The following SPECC1 variants were observed in gnomAD, a reference collection of about 807,000 sequenced individuals.
The protein encoded by SPECC1 is cytospin-B.
In SPECC1, 62 loss-of-function variants were observed where a neutral mutation model predicts 104.1. That is an observed-to-expected ratio of 0.60 (90% CI 0.49 to 0.74). The LOEUF is 0.74. SPECC1 is among the 30% of genes least tolerant of loss of function. SPECC1 has a pLI of 0.00. For missense variants in SPECC1, 1,306 were observed against 1,310.5 expected (o/e 1.00, Z 0.05); for synonymous variants, 513 against 501.6 (o/e 1.02, Z -0.30).
At chr17:20,290,628 C>G (rs547794321) in intron 12 of SPECC1, among the ~76,000 whole-genome samples, 3 of 152,194 alleles carry the variant, frequency 2.0e-5, no homozygotes, top group Admixed American at 6.5e-5. Flanking sequence ...AATTCTCCCT[C>G]TTCAGCCTCC....
intron 1 of SPECC1, among the ~76,000 whole-genome samples, chr17:20,090,574 A>T (rs1194357741): frequency 6.9e-6 from 1 of 144,936 alleles, no homozygotes; most frequent in Non-Finnish European, 1.5e-5. Context: ...TTTGCACTAG[A>T]CCATTTTACA....
intron 1 of SPECC1, among the ~76,000 whole-genome samples, chr17:20,029,919 A>C (rs539302256): frequency 8.6e-5 from 13 of 151,970 alleles, no homozygotes; most frequent in Middle Eastern, 3.4e-3. Flanking sequence ...CATAATCTTT[A>C]TTATTTTCTT....
At chr17:20,148,765 G>T (rs1228307344) in intron 3 of SPECC1, among the ~76,000 whole-genome samples, 1 of 152,070 alleles carries the variant, frequency 6.6e-6, no homozygotes, top group African/African-American at 2.4e-5. Flanking sequence ...TGTTGCCCAG[G>T]CTGGAGTGCA....
rs137958599 is a variant in SPECC1, at chr17:20,277,638, G to A, written c.2940+17344G>A. Among the ~76,000 whole-genome samples, 366 of 152,230 alleles carry A rather than the reference G, an allele frequency of 2.4e-3. 4 individuals carry two copies. The highest frequency in any genetic ancestry group is 6.6e-3 in the African/African-American group (274 of 41,540). On this transcript the variant is annotated intron_variant, in intron 12 of 14. Coordinates refer to ENST00000395527, the MANE Select transcript of SPECC1 (RefSeq NM_001243439.2). ...TGTACAGTTCAGGGGCATGAAGCAC[G>A]TTCACATGGTTGTGCAACCATCACT...
intron 3 of SPECC1, among the ~76,000 whole-genome samples, chr17:20,135,857 C>G (rs936296214): frequency 6.6e-6 from 1 of 152,106 alleles, no homozygotes; most frequent in Non-Finnish European, 1.5e-5. Flanking sequence ...ATGAGAAGAC[C>G]ATAAGAAAAG....
intron 1 of SPECC1, among the ~76,000 whole-genome samples, chr17:20,033,408 CCT>C (rs1248923193): frequency 5.3e-5 from 8 of 152,050 alleles, no homozygotes; most frequent in South Asian, 2.1e-4. Context: ...TTGATTTCCC[CCT>C]GTCTTGGTTC....
chr17:20,107,961 T>C (rs925308075), intron 2 of SPECC1, among the ~76,000 whole-genome samples: 15 of 152,218 alleles, frequency 9.9e-5, no homozygotes, highest in African/African-American at 3.6e-4. Flanking sequence ...ATGTTTGAAC[T>C]ACTACACTCC....
chr17:20,021,668 TATATATAATATAATA>T (rs1217040047), intron 1 of SPECC1, among the ~76,000 whole-genome samples: 184 of 143,716 alleles, frequency 1.3e-3, no homozygotes, highest in African/African-American at 4.1e-3. Context: ...CTGATATATA[TATATATAATATAATA>T]ATATATATAT....
chr17:20,153,020 C>T (rs1399118871), intron 3 of SPECC1, among the ~76,000 whole-genome samples: 1 of 152,162 alleles, frequency 6.6e-6, no homozygotes, highest in African/African-American at 2.4e-5. Flanking sequence ...ACCCTTATGA[C>T]CTCATTTAAC....
intron 3 of SPECC1, among the ~76,000 whole-genome samples, chr17:20,203,815 T>G (rs139926751): frequency 4.4e-4 from 67 of 152,346 alleles, no homozygotes; most frequent in African/African-American, 1.5e-3. Flanking sequence ...GGAAGGGTAT[T>G]TACTGGCTTG....
intron 12 of SPECC1, among the ~76,000 whole-genome samples, chr17:20,273,966 C>A (rs567658792): frequency 6.6e-6 from 1 of 152,284 alleles, no homozygotes; most frequent in African/African-American, 2.4e-5. Flanking sequence ...GCATGCGTTT[C>A]ATTGCCATCA....
chr17:20,112,860 G>A (rs2048562732), intron 3 of SPECC1: 3 of 1,592,488 alleles, frequency 1.9e-6, no homozygotes, highest in Non-Finnish European at 2.6e-6. Context: ...ACTCTGGCAG[G>A]AACTGATTTA....
At chr17:20,161,739 T>G (rs2033170692) in intron 3 of SPECC1, among the ~76,000 whole-genome samples, 1 of 152,144 alleles carries the variant, frequency 6.6e-6, no homozygotes, top group Admixed American at 6.5e-5. Context: ...TCTTTTTTCT[T>G]AAAAACAAGA....
intron 3 of SPECC1, among the ~76,000 whole-genome samples, chr17:20,201,888 G>C (rs1026217151): frequency 6.6e-6 from 1 of 152,054 alleles, no homozygotes; most frequent in African/African-American, 2.4e-5. Flanking sequence ...ATTATTTGGA[G>C]AGTTGCAACA....
chr17:20,034,245 G>A (rs1310986136), intron 1 of SPECC1, among the ~76,000 whole-genome samples: 1 of 151,908 alleles, frequency 6.6e-6, no homozygotes, highest in African/African-American at 2.4e-5. Flanking sequence ...TTACAGGCAT[G>A]CACCATGACA....
intron 13 of SPECC1, among the ~76,000 whole-genome samples, chr17:20,303,885 A>T (rs892221431): frequency 6.6e-6 from 1 of 152,014 alleles, no homozygotes; most frequent in East Asian, 1.9e-4. Flanking sequence ...CCCAAGAGGC[A>T]GAGGTGGCAG....
intron 2 of SPECC1, among the ~76,000 whole-genome samples, chr17:20,107,323 C>T (rs1414743861): frequency 6.6e-6 from 1 of 151,668 alleles, no homozygotes; most frequent in Non-Finnish European, 1.5e-5. Context: ...AAGACATCCA[C>T]CATCAGGCTG....
chr17:20,114,947 A>G (rs1597738152), intron 3 of SPECC1, among the ~76,000 whole-genome samples: 1 of 152,234 alleles, frequency 6.6e-6, no homozygotes, highest in East Asian at 1.9e-4. Context: ...TGCCTAAATT[A>G]TATTTAAATC....
At position 20,081,624 on chromosome 17, in the gene SPECC1, T is replaced by C. The variant is rs1054917943; in HGVS notation, c.-21-15007T>C. Among the ~76,000 whole-genome samples the C allele has an allele frequency of 6.6e-5, 10 of 151,952 alleles. No individual in the cohort carries two copies. In the South Asian group the frequency reaches 1.3e-3, roughly 19 times the overall value. ...GATTAGCCAGGTGGAGGGAGAGGGC[T>C]GAGGAGAGGATGGAGGTGAATTAGA... On this transcript the variant is annotated intron_variant, in intron 1 of 14. Transcript: ENST00000395527.
Sources: allele counts gnomAD v4.1 joint callset (sites outside exome capture counted in the v4.1 genomes callset), GRCh38; gene constraint gnomAD v4.1.1; transcripts MANE v1.5; gene names NCBI Gene and HGNC (gene_info 2026-07-23, HGNC 2026-07-21).